Variants in AKAP10 observed in about 807,000 individuals in gnomAD.
The protein encoded by AKAP10 is A-kinase anchoring protein 10.
Under a neutral mutation model 80.8 loss-of-function variants are expected in AKAP10, and 24 were observed. The ratio of observed to expected loss-of-function variants is 0.30; its 90% CI spans 0.22 to 0.42. AKAP10 has a LOEUF of 0.42. Among genes scored for constraint, AKAP10 ranks in the 10% least tolerant of loss-of-function variants. AKAP10 has a pLI of 1.00. For synonymous variants in AKAP10, 291 were observed against 277.7 expected (o/e 1.05, Z -0.48); for missense variants, 661 against 794.9 (o/e 0.83, Z 2.03).
At position 19,912,904 on chromosome 17, in the gene AKAP10, G is replaced by A. The variant is rs573980539; in HGVS notation, c.1835-2926C>T. 1.3e-4 allele frequency among the ~76,000 whole-genome samples: 20 copies of A among 152,176 alleles called. 1 individual carries two copies. The South Asian group carries it at 4.2e-3, about 32-fold the overall frequency. On this transcript the variant is annotated intron_variant, in intron 12 of 14. Transcript: ENST00000225737. Reference sequence around the variant, plus strand: ...AGGTGGTATTCTGAACCAAAGCCCTGTAGTTGCTACTAACCTGCTGTGTGA... The same window carrying A: ...AGGTGGTATTCTGAACCAAAGCCCTATAGTTGCTACTAACCTGCTGTGTGA...
intron 4 of AKAP10, among the ~76,000 whole-genome samples, chr17:19,948,345 A>T (rs371611746): frequency 1.1e-4 from 16 of 148,004 alleles, no homozygotes; most frequent in Non-Finnish European, 1.5e-4. Context: ...CACAAAGAAG[A>T]AGTTCCAAGA....
intron 8 of AKAP10, 132 bp downstream of exon 8, chr17:19,939,581 A>G (rs2043030287): frequency 9.6e-7 from 1 of 1,044,056 alleles, no homozygotes; most frequent in Non-Finnish European, 1.3e-6. Context: ...CAAACACCAT[A>G]TAAAAGCAGC....
chr17:19,925,022 G>A (rs1378686740), intron 10 of AKAP10, among the ~76,000 whole-genome samples: 1 of 151,914 alleles, frequency 6.6e-6, no homozygotes, highest in African/African-American at 2.4e-5. Context: ...AAATTAGCCG[G>A]GCATGGTGGT....
chr17:19,975,866 A>T (rs2043559126), intron 1 of AKAP10, among the ~76,000 whole-genome samples: 1 of 152,158 alleles, frequency 6.6e-6, no homozygotes. Flanking sequence ...CCCCCTTAAA[A>T]AAACAAAAGT....
Position 19,930,015 on chromosome 17 carries a change from A to T in AKAP10, c.1641+1790T>A, listed in dbSNP as rs866185709. On this transcript the variant is annotated intron_variant, in intron 10 of 14. Coordinates refer to ENST00000225737, the MANE Select transcript of AKAP10 (RefSeq NM_007202.4). ...AACAAAAACCAAAAAAAAAAAAAAA[A>T]AAAACCAAGACATTCTAACCTATAT... 3.3e-3 allele frequency among the ~76,000 whole-genome samples: 495 copies of T among 151,938 alleles called. 4 individuals are homozygous for T. Among genetic ancestry groups the T allele is most frequent in the African/African-American group, 0.011 (444 of 41,470 alleles).
intron 11 of AKAP10, among the ~76,000 whole-genome samples, chr17:19,923,911 G>A (rs2042846362): frequency 6.6e-6 from 1 of 152,098 alleles, no homozygotes; most frequent in Non-Finnish European, 1.5e-5. Flanking sequence ...TACGGATCAG[G>A]GTAGTGTAAT....
At chr17:19,920,733 C>A (rs1389804818) in intron 11 of AKAP10, among the ~76,000 whole-genome samples, 1 of 151,656 alleles carries the variant, frequency 6.6e-6, no homozygotes, top group East Asian at 1.9e-4. Flanking sequence ...ATCCCAGCTA[C>A]TTGGGAGGCT....
chr17:19,977,218 T>C (rs765589012), intron 1 of AKAP10, among the ~76,000 whole-genome samples: 1 of 152,200 alleles, frequency 6.6e-6, no homozygotes, highest in Admixed American at 6.5e-5. Context: ...CCCTCAACAT[T>C]TGGAAACTTC....
At chr17:19,941,966 C>T (rs373577880) in intron 5 of AKAP10, 56 bp from the exon 6 acceptor site, 33 of 1,513,080 alleles carry the variant, frequency 2.2e-5, no homozygotes, top group Non-Finnish European at 3.0e-5. Flanking sequence ...TATGTATACA[C>T]ACTTGTGAAT....
intron 5 of AKAP10, among the ~76,000 whole-genome samples, chr17:19,946,269 ATATATATTTTTTTTTT>A (rs1567765999): frequency 3.8e-4 from 10 of 26,040 alleles, no homozygotes; most frequent in African/African-American, 5.1e-4. Flanking sequence ...ATATATATAT[ATATATATTTTTTTTTT>A]TTTTTTTTTT....
At chr17:19,914,625 T>A (rs1381212845) in intron 12 of AKAP10, among the ~76,000 whole-genome samples, 13 of 85,450 alleles carry the variant, frequency 1.5e-4, no homozygotes, top group Non-Finnish European at 2.3e-4. Flanking sequence ...CAAGACCCTA[T>A]CTCAAAAAAA....
At chr17:19,946,273 A>ATTT (rs2043127678) in intron 5 of AKAP10, among the ~76,000 whole-genome samples, 31 of 19,810 alleles carry the variant, frequency 1.6e-3, no homozygotes, top group Non-Finnish European at 2.1e-3. Flanking sequence ...ATATATATAT[A>ATTT]TATTTTTTTT....
rs2043344075 is a variant in AKAP10 at position 19,961,133 on chromosome 17, G to A, written c.319+1707C>T. 3.3e-5 allele frequency among the ~76,000 whole-genome samples: 5 copies of A among 151,098 alleles called. No individual in the cohort carries two copies. The South Asian group carries it at 1.0e-3, about 32-fold the overall frequency. On this transcript the variant is annotated intron_variant, in intron 3 of 14. Coordinates refer to ENST00000225737, the MANE Select transcript of AKAP10 (RefSeq NM_007202.4). ...TACGCAAGTGGATCGCTTGATTCCAGGAGTTTGAGACCAGCCTGGGAAACA... is the reference window on the plus strand; with the variant it reads ...TACGCAAGTGGATCGCTTGATTCCAAGAGTTTGAGACCAGCCTGGGAAACA...
At position 19,940,907 on chromosome 17, in the gene AKAP10, C is replaced by T; in HGVS notation, c.1165G>A (p.Ala389Thr). The stretch of plus-strand genomic sequence containing the variant: ...TTTACCTCAGAGAAATAAAAGAGGG[C>T]TGACTCACAGAAGAGAATGTCAGCC... Reference protein sequence around the residue: ...YLADILFCESALFYFSEYMEK... With the variant: ...YLADILFCESTLFYFSEYMEK... The change falls in exon 7 of 15, where the codon GCC becomes ACC. Residue 389 changes from alanine (A) to threonine (T), a missense_variant. Physicochemically the swap from Ala to Thr is moderately conservative, Grantham distance 58 (BLOSUM62 0). Transcript: ENST00000225737. 1.9e-6 allele frequency: 3 copies of T among 1,604,838 alleles called. No individual in the cohort carries two copies. Among genetic ancestry groups the T allele is most frequent in the Non-Finnish European group, 2.5e-6 (3 of 1,177,466 alleles).
chr17:19,953,891 G>A (rs990788715), intron 4 of AKAP10, among the ~76,000 whole-genome samples: 1 of 152,118 alleles, frequency 6.6e-6, no homozygotes, highest in Non-Finnish European at 1.5e-5. Context: ...AATTAGTCGG[G>A]CATGGTGGCA....
At chr17:19,928,995 A>G (rs1414168018) in intron 10 of AKAP10, among the ~76,000 whole-genome samples, 3 of 152,216 alleles carry the variant, frequency 2.0e-5, no homozygotes, top group Non-Finnish European at 4.4e-5. Flanking sequence ...AATCCTTGCA[A>G]TGGGATATTT....
intron 1 of AKAP10, among the ~76,000 whole-genome samples, chr17:19,973,772 T>C (rs1453091328): frequency 1.3e-5 from 2 of 152,216 alleles, no homozygotes; most frequent in Non-Finnish European, 2.9e-5. Context: ...AGGGTGTTAA[T>C]TGTCACAGAT....
intron 8 of AKAP10, 33 bp downstream of exon 8, chr17:19,939,680 T>C (rs374545815): frequency 8.7e-6 from 14 of 1,601,320 alleles, no homozygotes; most frequent in Non-Finnish European, 1.2e-5. Context: ...GTTCAATAAG[T>C]ATCTGCTGAA....
At chr17:19,908,876 C>CTCAAA (rs1257011088) in intron 14 of AKAP10, among the ~76,000 whole-genome samples, 6 of 152,230 alleles carry the variant, frequency 3.9e-5, no homozygotes, top group Non-Finnish European at 7.3e-5. Context: ...CCGCCTTGGC[C>CTCAAA]TCCCAAAGTG....
Sources: gnomAD v4.1 joint callset for allele counts (sites outside exome capture counted in the v4.1 genomes callset) on GRCh38, gnomAD v4.1.1 for gene constraint, MANE v1.5 for transcripts, NCBI Gene and HGNC (gene_info 2026-07-23, HGNC 2026-07-21) for gene names.